Variants in POU6F2 observed in about 807,000 individuals in gnomAD.
The protein encoded by POU6F2 is POU class 6 homeobox 2.
A neutral mutation model predicts 71.3 loss-of-function variants in POU6F2; 31 were observed. The observed-to-expected ratio is 0.43, with a 90% CI of 0.33 to 0.59. POU6F2 has a LOEUF of 0.59. POU6F2 is among the 20% of genes least tolerant of loss of function. POU6F2 has a pLI of 0.04. For missense variants in POU6F2, 783 were observed against 856.8 expected, an observed-to-expected ratio of 0.91 and a Z score of 1.07; for synonymous variants, 347 against 355.7, an observed-to-expected ratio of 0.98 and a Z score of 0.27.
intron 4 of POU6F2, among the ~76,000 whole-genome samples, chr7:39,258,825 G>A (rs569286077): frequency 2.6e-5 from 4 of 152,238 alleles, no homozygotes; most frequent in South Asian, 4.1e-4. Flanking sequence ...CTCATTTCAC[G>A]TGACAAAGAA....
At chr7:39,237,549 GC>G (rs1794696084) in intron 4 of POU6F2, among the ~76,000 whole-genome samples, 2 of 152,148 alleles carry the variant, frequency 1.3e-5, no homozygotes, top group Non-Finnish European at 2.9e-5. Context: ...AAGTACTTTA[GC>G]TGAGTGGAAC....
At chr7:39,386,329 T>C (rs1786943768) in intron 5 of POU6F2, among the ~76,000 whole-genome samples, 1 of 152,148 alleles carries the variant, frequency 6.6e-6, no homozygotes, top group African/African-American at 2.4e-5. Flanking sequence ...CAGAGTCTGC[T>C]TCTGGGTAAA....
chr7:39,034,951 A>G (rs1442928746), intron 1 of POU6F2, among the ~76,000 whole-genome samples: 1 of 152,006 alleles, frequency 6.6e-6, no homozygotes, highest in East Asian at 1.9e-4. Context: ...AGAATATTTT[A>G]AAATATTTTC....
intron 2 of POU6F2, among the ~76,000 whole-genome samples, chr7:39,131,199 C>G (rs1214013277): frequency 6.6e-6 from 1 of 152,160 alleles, no homozygotes; most frequent in Non-Finnish European, 1.5e-5. Flanking sequence ...TTCCCCTTCC[C>G]CTCCTGAACC....
At chr7:39,313,589 G>C (rs547696330) in intron 4 of POU6F2, among the ~76,000 whole-genome samples, 1 of 152,156 alleles carries the variant, frequency 6.6e-6, no homozygotes, top group South Asian at 2.1e-4. Flanking sequence ...CAGGGTCTAA[G>C]TCCATTCCTT....
At chr7:39,445,425 C>T (rs541863180) in intron 7 of POU6F2, among the ~76,000 whole-genome samples, 9 of 152,164 alleles carry the variant, frequency 5.9e-5, no homozygotes, top group Non-Finnish European at 1.0e-4. Context: ...CTGCCAAGTT[C>T]GGCTGATGCA....
intron 2 of POU6F2, among the ~76,000 whole-genome samples, chr7:39,185,915 G>A (rs200104787): frequency 8.2e-6 from 1 of 121,296 alleles, no homozygotes. Flanking sequence ...ATATGTATAT[G>A]TATATGTATA....
At chr7:39,189,658 G>A (rs1047400037) in intron 2 of POU6F2, among the ~76,000 whole-genome samples, 22 of 152,112 alleles carry the variant, frequency 1.4e-4, no homozygotes, top group Non-Finnish European at 1.8e-4. Context: ...CCTCGGGCTT[G>A]CAAAGTGCTG....
intron 4 of POU6F2, among the ~76,000 whole-genome samples, chr7:39,282,130 C>T (rs2128759967): frequency 6.6e-6 from 1 of 152,030 alleles, no homozygotes; most frequent in Admixed American, 6.5e-5. Flanking sequence ...TTTTTAAAAT[C>T]AGAGTATTTG....
At chr7:39,000,415 G>A (rs1229012) in intron 1 of POU6F2, among the ~76,000 whole-genome samples, 30,035 of 151,928 alleles carry the variant, frequency 0.2, 3,136 homozygotes, top group Middle Eastern at 0.27. Flanking sequence ...TTTTACCAAT[G>A]TTTATTACAC....
At chr7:39,218,941 T>C (rs556402455) in intron 4 of POU6F2, among the ~76,000 whole-genome samples, 2 of 152,108 alleles carry the variant, frequency 1.3e-5, no homozygotes, top group South Asian at 4.1e-4. Flanking sequence ...AAACCATGAC[T>C]GAAGCTAGGG....
At chr7:39,063,630 G>A (rs1282132844) in intron 1 of POU6F2, among the ~76,000 whole-genome samples, 1 of 152,144 alleles carries the variant, frequency 6.6e-6, no homozygotes, top group East Asian at 1.9e-4. Context: ...GTTAAATGGA[G>A]GTGGGGAATC....
rs534379391 is a variant in POU6F2 at position 39,159,528 on chromosome 7, C to T, written c.278-44707C>T. ...ATGTAGTCTTTTTAAAGTGTTGAAA[C>T]GTACACGCATTTCTGCTGGGTAAAC... On this transcript the variant is annotated intron_variant, in intron 2 of 9. Transcript: ENST00000518318. 2.0e-5 allele frequency among the ~76,000 whole-genome samples: 3 copies of T among 152,314 alleles called. No homozygotes were observed. The South Asian group carries it at 6.2e-4, about 32-fold the overall frequency.
chr7:39,261,065 GCACACACACA>G (rs72377948), intron 4 of POU6F2, among the ~76,000 whole-genome samples: 1 of 147,876 alleles, frequency 6.8e-6, no homozygotes, highest in Non-Finnish European at 1.5e-5. Flanking sequence ...ATACACACAT[GCACACACACA>G]CACACACACA....
chr7:39,297,213 ACAC>A (rs1784866265), intron 4 of POU6F2, among the ~76,000 whole-genome samples: 1 of 151,578 alleles, frequency 6.6e-6, no homozygotes, highest in Non-Finnish European at 1.5e-5. Context: ...ACACACACAC[ACAC>A]ACACACACAC....
intron 4 of POU6F2, among the ~76,000 whole-genome samples, chr7:39,262,630 A>G (rs1370784404): frequency 6.6e-6 from 1 of 152,296 alleles, no homozygotes; most frequent in East Asian, 1.9e-4. Context: ...CACTGGGGAA[A>G]CTTTAAAGTT....
intron 1 of POU6F2, among the ~76,000 whole-genome samples, chr7:39,063,888 T>C (rs1790705320): frequency 6.6e-6 from 1 of 152,104 alleles, no homozygotes; most frequent in South Asian, 2.1e-4. Flanking sequence ...GAGCCAAAAG[T>C]AGCAATATAA....
chr7:39,150,280 C>T (rs1042667523), intron 2 of POU6F2, among the ~76,000 whole-genome samples: 1 of 142,004 alleles, frequency 7.0e-6, no homozygotes, highest in Admixed American at 7.0e-5. Flanking sequence ...GTTGTTTTCA[C>T]CTATTGGCTA....
chr7:39,260,865 A>G (rs55917409), intron 4 of POU6F2, among the ~76,000 whole-genome samples: 10,989 of 151,848 alleles, frequency 0.072, 470 homozygotes, highest in South Asian at 0.2. Context: ...GTACCACACC[A>G]CATACCACAG....
Sources: allele counts gnomAD v4.1 joint callset (sites outside exome capture counted in the v4.1 genomes callset), GRCh38; gene constraint gnomAD v4.1.1; transcripts MANE v1.5; gene names NCBI Gene and HGNC (gene_info 2026-07-23, HGNC 2026-07-21).